PCDHA7: variants seen among roughly 807,000 people sequenced by gnomAD.
The protein encoded by PCDHA7 is protocadherin alpha 7.
In PCDHA7, 37 loss-of-function variants were observed where a neutral mutation model predicts 57.2. The observed-to-expected ratio is 0.65, with a 90% CI of 0.50 to 0.85. The LOEUF is 0.85. Ranked by LOEUF, PCDHA7 falls within the 40% of genes least tolerant of loss-of-function variation. PCDHA7 has a pLI of 0.00. For missense variants in PCDHA7, 1,188 were observed against 1,241.8 expected (o/e 0.96, Z 0.65); for synonymous variants, 553 against 558.8 (o/e 0.99, Z 0.15).
chr5:140,845,256 T>A (rs1349718505), intron 1 of PCDHA7, among the ~76,000 whole-genome samples: 1 of 149,608 alleles, frequency 6.7e-6, no homozygotes, highest in Admixed American at 6.7e-5. Flanking sequence ...GAATAATATG[T>A]GTTTTCCTTT....
chr5:140,877,303 T>G, intron 1 of PCDHA7: 1 of 1,613,850 alleles, frequency 6.2e-7, no homozygotes, highest in South Asian at 1.1e-5. Flanking sequence ...GTCCTACGAG[T>G]TGCAACCGGC....
At chr5:140,868,451 C>T (rs917526467) in intron 1 of PCDHA7, 1 of 152,302 alleles carries the variant, frequency 6.6e-6, no homozygotes, top group African/African-American at 2.4e-5. Flanking sequence ...AACATAAACA[C>T]TAAAGAGCTG....
intron 1 of PCDHA7, chr5:140,865,236 G>A (rs192476838): frequency 8.5e-5 from 13 of 152,224 alleles, no homozygotes; most frequent in Admixed American, 3.3e-4. Flanking sequence ...CAGAGAACAC[G>A]TATTTATAGC....
rs2150320431 is a variant in PCDHA7 at position 140,841,664 on chromosome 5, C to A, written c.2355+4926C>A. ...GGAGGTGATCGTGGACAGGCCGCTGCAGGTTTTCCATGTGGACGTGGAGGT... is the reference window on the plus strand; with the variant it reads ...GGAGGTGATCGTGGACAGGCCGCTGAAGGTTTTCCATGTGGACGTGGAGGT... On this transcript the variant is annotated intron_variant, in intron 1 of 3. Coordinates refer to ENST00000525929, the MANE Select transcript of PCDHA7 (RefSeq NM_018910.3). 3 of 1,613,958 alleles carry A rather than the reference C, an allele frequency of 1.9e-6. No homozygotes were observed. In the African/African-American group the frequency reaches 4.0e-5, roughly 22 times the overall value.
At chr5:140,971,207 A>C (rs2096463327) in intron 1 of PCDHA7, among the ~76,000 whole-genome samples, 1 of 152,050 alleles carries the variant, frequency 6.6e-6, no homozygotes, top group South Asian at 2.1e-4. Flanking sequence ...AGACACTGTT[A>C]CCCTCCCTCT....
At chr5:140,939,965 C>T (rs565275285) in intron 1 of PCDHA7, among the ~76,000 whole-genome samples, 1 of 152,100 alleles carries the variant, frequency 6.6e-6, no homozygotes, top group African/African-American at 2.4e-5. Context: ...TAAAGTGTTC[C>T]ACGATGAATA....
At position 141,009,879 on chromosome 5, in the gene PCDHA7, A is replaced by G; in HGVS notation, c.2756A>G (p.Asn919Ser). Reference protein sequence around the residue: ...TKKKKKKKKGNKTQEKKEKGN... With the variant: ...TKKKKKKKKGSKTQEKKEKGN... ...AAAAAGAAGAAAAAGAAGAAGGGTA[A>G]CAAGACCCAGGAGAAAAAAGAGAAA... Residue 919 changes from asparagine (N) to serine (S), a missense_variant, in exon 4 of 4, where the codon AAC (asparagine) becomes AGC (serine). Asn to Ser is a conservative substitution (Grantham distance 46). This residue lies in a region of PCDHA7 where 892 missense variants were observed against 788.5 expected (regional missense o/e 1.13). Coordinates refer to ENST00000525929, the MANE Select transcript of PCDHA7 (RefSeq NM_018910.3). 12 of 1,613,884 alleles carry G rather than the reference A, an allele frequency of 7.4e-6. No individual in the cohort carries two copies. Among genetic ancestry groups the G allele is most frequent in the Non-Finnish European group, 1.0e-5 (12 of 1,179,984 alleles).
At chr5:140,927,616 G>C in intron 1 of PCDHA7, 1 of 1,614,164 alleles carries the variant, frequency 6.2e-7, no homozygotes, top group Non-Finnish European at 8.5e-7. Flanking sequence ...CCGCACCAAG[G>C]TTCCAGAGAC....
At chr5:140,927,652 C>T (rs868980158) in intron 1 of PCDHA7, 28 of 1,614,054 alleles carry the variant, frequency 1.7e-5, no homozygotes, top group African/African-American at 9.3e-5. Flanking sequence ...TGTGTTATTC[C>T]GAGTTCAAGC....
At chr5:140,914,613 G>A (rs2076780862) in intron 1 of PCDHA7, among the ~76,000 whole-genome samples, 1 of 151,852 alleles carries the variant, frequency 6.6e-6, no homozygotes, top group Non-Finnish European at 1.5e-5. Flanking sequence ...CTGCCATTTT[G>A]TAATTTGTTT....
intron 1 of PCDHA7, among the ~76,000 whole-genome samples, chr5:140,955,355 G>A (rs1406631698): frequency 1.3e-5 from 2 of 152,086 alleles, no homozygotes; most frequent in African/African-American, 4.8e-5. Flanking sequence ...GTTGTGAGAG[G>A]GACCCAGTGG....
chr5:140,849,017 C>G, intron 1 of PCDHA7: 1 of 1,588,278 alleles, frequency 6.3e-7, no homozygotes, highest in Non-Finnish European at 8.6e-7. Context: ...GACTGAGCCC[C>G]AATGAGTATT....
chr5:140,956,597 C>T (rs1015881961), intron 1 of PCDHA7, among the ~76,000 whole-genome samples: 1 of 152,054 alleles, frequency 6.6e-6, no homozygotes, highest in African/African-American at 2.4e-5. Flanking sequence ...TCAGGGATAT[C>T]AGCTGGAAGT....
At chr5:140,965,442 G>A (rs782186943) in intron 1 of PCDHA7, among the ~76,000 whole-genome samples, 3 of 151,978 alleles carry the variant, frequency 2.0e-5, no homozygotes, top group Non-Finnish European at 4.4e-5. Flanking sequence ...CATTGAAATT[G>A]CTGGTTATTG....
intron 1 of PCDHA7, chr5:140,969,141 G>A: frequency 6.2e-7 from 1 of 1,614,158 alleles, no homozygotes; most frequent in South Asian, 1.1e-5. Flanking sequence ...AAGACCTACT[G>A]CTACAAGGCC....
At chr5:140,870,981 C>T (rs372420484) in intron 1 of PCDHA7, 72 of 1,613,472 alleles carry the variant, frequency 4.5e-5, no homozygotes, top group Non-Finnish European at 5.9e-5. Context: ...TGGGGCTGTA[C>T]ACGGGCGAGA....
intron 1 of PCDHA7, chr5:140,863,410 G>C: frequency 5.3e-6 from 4 of 753,286 alleles, no homozygotes; most frequent in African/African-American, 1.8e-5. Context: ...GCCCACGCTG[G>C]TGTACCGCAG....
chr5:140,850,626 T>C (rs1554144591), intron 1 of PCDHA7: 1 of 1,598,444 alleles, frequency 6.3e-7, no homozygotes, highest in African/African-American at 1.3e-5. Flanking sequence ...GTCTAGCCTG[T>C]TGGTTCTCAC....
intron 1 of PCDHA7, among the ~76,000 whole-genome samples, chr5:140,931,907 G>T (rs573618162): frequency 6.6e-6 from 1 of 151,782 alleles, no homozygotes; most frequent in Non-Finnish European, 1.5e-5. Flanking sequence ...CATTTGAAAA[G>T]CATGACATTT....
Sources: allele counts gnomAD v4.1 joint callset (sites outside exome capture counted in the v4.1 genomes callset), GRCh38; gene constraint gnomAD v4.1.1; regional missense constraint gnomAD v4.1.1; transcripts MANE v1.5; gene names NCBI Gene and HGNC (gene_info 2026-07-23, HGNC 2026-07-21).